Variants in FHIT observed in about 807,000 individuals in gnomAD.
FHIT encodes bis(5'-adenosyl)-triphosphatase.
FHIT carries 19 observed loss-of-function variants against 17.9 expected under a neutral mutation model. The ratio of observed to expected loss-of-function variants is 1.06; its 90% CI spans 0.74 to 1.56. The LOEUF is 1.56. FHIT is among the 40% of genes most tolerant of loss of function. The pLI, the probability that FHIT is intolerant of heterozygous loss-of-function variation, is 0.00. For missense variants in FHIT, 248 were observed against 189.2 expected (o/e 1.31, Z -1.82); for synonymous variants, 81 against 69.7 (o/e 1.16, Z -0.81).
chr3:60,245,812 C>T (rs1388166149), intron 5 of FHIT, among the ~76,000 whole-genome samples: 1 of 151,886 alleles, frequency 6.6e-6, no homozygotes, highest in Admixed American at 6.6e-5. Flanking sequence ...GATCCAGAAA[C>T]TATGGTAAGC....
At chr3:60,438,837 C>T (rs1437428471) in intron 5 of FHIT, among the ~76,000 whole-genome samples, 1 of 152,088 alleles carries the variant, frequency 6.6e-6, no homozygotes, top group African/African-American at 2.4e-5. Flanking sequence ...ACCAAAATTG[C>T]CTAGACTACC....
intron 5 of FHIT, among the ~76,000 whole-genome samples, chr3:60,437,511 T>G (rs915748217): frequency 3.9e-5 from 6 of 152,082 alleles, no homozygotes; most frequent in African/African-American, 1.2e-4. Context: ...ATCACTACTG[T>G]GTATTAAGAG....
chr3:59,953,261 T>C (rs1156713354), intron 7 of FHIT, among the ~76,000 whole-genome samples: 1 of 152,042 alleles, frequency 6.6e-6, no homozygotes, highest in Admixed American at 6.5e-5. Context: ...TGTCTCTCTG[T>C]TTCTCTCTCG....
intron 2 of FHIT, among the ~76,000 whole-genome samples, chr3:61,084,662 A>C (rs2035250445): frequency 6.6e-6 from 1 of 152,170 alleles, no homozygotes; most frequent in Non-Finnish European, 1.5e-5. Context: ...TTTTAAATAC[A>C]TTTATTGAGG....
intron 7 of FHIT, among the ~76,000 whole-genome samples, chr3:59,956,275 C>T (rs920730603): frequency 1.3e-5 from 2 of 152,026 alleles, no homozygotes; most frequent in Non-Finnish European, 2.9e-5. Context: ...CATGGTGGCT[C>T]ACATCTGTAA....
chr3:60,589,317 C>T (rs1044347751), intron 4 of FHIT, among the ~76,000 whole-genome samples: 2 of 152,016 alleles, frequency 1.3e-5, no homozygotes, highest in Non-Finnish European at 1.5e-5. Context: ...TTCAGAAACA[C>T]ACTTTGTAGA....
intron 1 of FHIT, among the ~76,000 whole-genome samples, chr3:61,243,759 C>T (rs747738148): frequency 3.9e-4 from 59 of 151,962 alleles, no homozygotes; most frequent in Non-Finnish European, 7.1e-4. Flanking sequence ...AAGTACAGGA[C>T]GAGAAACACA....
intron 5 of FHIT, among the ~76,000 whole-genome samples, chr3:60,514,101 T>C (rs2035054104): frequency 6.6e-6 from 1 of 152,064 alleles, no homozygotes. Context: ...CCCAATAAAA[T>C]CCTCTGCACA....
rs549225718 is a variant in FHIT, at chr3:60,014,030, T to A, written c.226A>T (p.Thr76Ser). 6.2e-7 allele frequency: 1 copy of A among 1,613,654 alleles called. No individual in the cohort carries two copies. The highest frequency in any genetic ancestry group is 1.1e-5 in the South Asian group (1 of 91,062). ...ACCTGCATGGAAAAGGTGAGAGAGGTCCCATGGAAATGTTTTTCCACCACT... is the reference window on the plus strand; with the variant it reads ...ACCTGCATGGAAAAGGTGAGAGAGGACCCATGGAAATGTTTTTCCACCACT... ...GTVVEKHFHG[T>S]SLTFSMQDGP... is the part of the protein sequence containing the mutation. The change falls in exon 6 of 10, where the codon ACC becomes TCC. Residue 76 changes from threonine (T) to serine (S), a missense_variant. Transcript: ENST00000492590.
intron 5 of FHIT, among the ~76,000 whole-genome samples, chr3:60,059,029 G>A (rs1702197586): frequency 6.6e-6 from 1 of 152,164 alleles, no homozygotes; most frequent in Non-Finnish European, 1.5e-5. Flanking sequence ...AAATGTTACA[G>A]TAGGTAGGTA....
intron 3 of FHIT, among the ~76,000 whole-genome samples, chr3:61,006,939 C>T (rs2031491094): frequency 6.6e-6 from 1 of 152,138 alleles, no homozygotes; most frequent in Admixed American, 6.5e-5. Flanking sequence ...AAATTAACCA[C>T]AGAATATATT....
Position 60,749,391 on chromosome 3 carries a change from G to A in FHIT, c.-18+72528C>T, listed in dbSNP as rs184604638. ...ACTCTGGGCTTCTGAGTGGGTACCC[G>A]ACATTACCACCTAGGAGCCTAGCAC... On this transcript the variant is annotated intron_variant, in intron 4 of 9. Coordinates refer to ENST00000492590, the MANE Select transcript of FHIT (RefSeq NM_002012.4). 1.1e-4 allele frequency among the ~76,000 whole-genome samples: 17 copies of A among 152,156 alleles called. 1 individual carries two copies. The highest frequency in any genetic ancestry group is 2.6e-4 in the Admixed American group (4 of 15,286).
intron 5 of FHIT, among the ~76,000 whole-genome samples, chr3:60,260,336 C>T (rs1280371082): frequency 1.3e-5 from 2 of 148,164 alleles, no homozygotes; most frequent in African/African-American, 5.0e-5. Flanking sequence ...CAGGAAACTT[C>T]TGTCTTGACT....
Position 61,021,365 on chromosome 3 carries a change from C to T in FHIT, c.-111+20682G>A, listed in dbSNP as rs533466914. On this transcript the variant is annotated intron_variant, in intron 3 of 9. Coordinates refer to ENST00000492590, the MANE Select transcript of FHIT (RefSeq NM_002012.4). ...CTGTAATCCCAGCACTTTGGGAGGC[C>T]GAGGCGGGCGGATCACGAGGTCAGG... Among the ~76,000 whole-genome samples the T allele has an allele frequency of 1.7e-4, 25 of 151,188 alleles. No homozygotes were observed. In the East Asian group the frequency reaches 4.5e-3, roughly 27 times the overall value.
intron 3 of FHIT, among the ~76,000 whole-genome samples, chr3:60,948,212 A>T (rs1194673383): frequency 6.6e-6 from 1 of 152,110 alleles, no homozygotes; most frequent in Non-Finnish European, 1.5e-5. Context: ...GGGGTCTTAT[A>T]TATTAACCTT....
intron 1 of FHIT, among the ~76,000 whole-genome samples, chr3:61,223,742 A>G (rs1264053569): frequency 3.3e-5 from 5 of 152,218 alleles, no homozygotes; most frequent in Non-Finnish European, 4.4e-5. Flanking sequence ...ATGCTGAAGC[A>G]GAGACTATCT....
At chr3:60,132,161 G>A (rs1228499518) in intron 5 of FHIT, among the ~76,000 whole-genome samples, 2 of 152,114 alleles carry the variant, frequency 1.3e-5, no homozygotes, top group African/African-American at 4.8e-5. Context: ...TCTGACCCAA[G>A]CCCATTATTC....
intron 8 of FHIT, among the ~76,000 whole-genome samples, chr3:59,764,727 C>CT (rs71089561): frequency 4.0e-5 from 6 of 151,044 alleles, no homozygotes; most frequent in South Asian, 2.1e-4. Flanking sequence ...ATTTCAAATG[C>CT]TTTTTTTTTT....
At chr3:60,087,951 G>A (rs1402610668) in intron 5 of FHIT, among the ~76,000 whole-genome samples, 1 of 152,114 alleles carries the variant, frequency 6.6e-6, no homozygotes, top group Admixed American at 6.5e-5. Flanking sequence ...CTGAGGCTGT[G>A]TAATTTATAA....
Sources: gnomAD v4.1 joint callset for allele counts (sites outside exome capture counted in the v4.1 genomes callset) on GRCh38, gnomAD v4.1.1 for gene constraint, MANE v1.5 for transcripts, NCBI Gene and HGNC (gene_info 2026-07-23, HGNC 2026-07-21) for gene names.